The following EPHA6 variants were observed in gnomAD, a reference collection of about 807,000 sequenced individuals.
EPHA6 encodes the protein ephrin type-A receptor 6.
A neutral mutation model predicts 112.0 loss-of-function variants in EPHA6; 50 were observed. The observed-to-expected ratio is 0.45, with a 90% CI of 0.36 to 0.56. The LOEUF is 0.56. Ranked by LOEUF, EPHA6 falls within the 20% of genes least tolerant of loss-of-function variation. EPHA6 has a pLI of 0.00. For missense variants in EPHA6, 1,280 were observed against 1,417.4 expected (o/e 0.90, Z 1.56); for synonymous variants, 529 against 490.7 (o/e 1.08, Z -1.03).
At position 97,645,845 on chromosome 3, in the gene EPHA6, C is replaced by T. The variant is rs369546049; in HGVS notation, c.2784+7763C>T. ...CAGATGATTTTGACTTTTTCTCTTG[C>T]TGTGTAACTATAATTGCTATTTGCT... On this transcript the variant is annotated intron_variant, in intron 14 of 17. Transcript: ENST00000389672. Among the ~76,000 whole-genome samples the T allele has an allele frequency of 1.2e-3, 177 of 152,026 alleles. 1 individual carries two copies. The highest frequency in any genetic ancestry group is 3.9e-3 in the African/African-American group (163 of 41,468).
chr3:97,482,162 T>A (rs1443966219), intron 9 of EPHA6, among the ~76,000 whole-genome samples: 3 of 152,250 alleles, frequency 2.0e-5, no homozygotes, highest in Admixed American at 6.5e-5. Context: ...TATTTACTGA[T>A]CTTATTCTAT....
intron 1 of EPHA6, among the ~76,000 whole-genome samples, chr3:96,825,386 G>T (rs71311304): frequency 1.8e-3 from 276 of 150,866 alleles, no homozygotes; most frequent in Admixed American, 3.1e-3. Context: ...TTTGTTTATT[G>T]ATTATTTTAC....
At chr3:97,529,160 C>T (rs2092666232) in intron 10 of EPHA6, among the ~76,000 whole-genome samples, 1 of 152,060 alleles carries the variant, frequency 6.6e-6, no homozygotes, top group African/African-American at 2.4e-5. Context: ...ATAAACAGCT[C>T]AGACAGCAGA....
intron 5 of EPHA6, among the ~76,000 whole-genome samples, chr3:97,314,968 T>C (rs1337288689): frequency 6.6e-6 from 1 of 151,706 alleles, no homozygotes; most frequent in Non-Finnish European, 1.5e-5. Context: ...CAAAGCATTC[T>C]ACAACGATGA....
At chr3:97,639,413 G>A (rs965418170) in intron 14 of EPHA6, among the ~76,000 whole-genome samples, 1 of 151,532 alleles carries the variant, frequency 6.6e-6, no homozygotes, top group Non-Finnish European at 1.5e-5. Flanking sequence ...ATAGAACAAC[G>A]AATATAAAAT....
intron 2 of EPHA6, among the ~76,000 whole-genome samples, chr3:96,970,471 G>A (rs1213203100): frequency 6.6e-6 from 1 of 152,022 alleles, no homozygotes; most frequent in Non-Finnish European, 1.5e-5. Context: ...GGCTAGGTTA[G>A]GAGATTGCTA....
chr3:97,683,477 C>T (rs972472127), intron 14 of EPHA6, among the ~76,000 whole-genome samples: 4 of 152,068 alleles, frequency 2.6e-5, no homozygotes, highest in African/African-American at 9.7e-5. Flanking sequence ...TCAAATCACC[C>T]TCTGAGGTAT....
intron 6 of EPHA6, among the ~76,000 whole-genome samples, chr3:97,425,948 C>A (rs1169696595): frequency 6.6e-6 from 1 of 152,166 alleles, no homozygotes. Flanking sequence ...TCCTCATCTC[C>A]ATCTGAGACC....
chr3:97,429,618 C>T (rs771696249), intron 6 of EPHA6, among the ~76,000 whole-genome samples: 4 of 150,252 alleles, frequency 2.7e-5, no homozygotes, highest in Non-Finnish European at 5.9e-5. Context: ...ATAGCATATT[C>T]GAAAGTTTAA....
intron 6 of EPHA6, among the ~76,000 whole-genome samples, chr3:97,433,334 C>T (rs914473518): frequency 6.6e-6 from 1 of 152,120 alleles, no homozygotes; most frequent in African/African-American, 2.4e-5. Flanking sequence ...GACTCAAAAT[C>T]TCATGAAATA....
intron 1 of EPHA6, among the ~76,000 whole-genome samples, chr3:96,850,315 A>G (rs1192710765): frequency 6.6e-6 from 1 of 152,096 alleles, no homozygotes; most frequent in Non-Finnish European, 1.5e-5. Context: ...GCTGGACTGC[A>G]CCAGGAGATA....
intron 2 of EPHA6, among the ~76,000 whole-genome samples, chr3:96,870,618 A>G (rs539993835): frequency 6.6e-6 from 1 of 152,252 alleles, no homozygotes; most frequent in South Asian, 2.1e-4. Flanking sequence ...GATACATAAA[A>G]TTAACCATCA....
chr3:97,634,656 T>G (rs1421016437), intron 13 of EPHA6, among the ~76,000 whole-genome samples: 1 of 152,038 alleles, frequency 6.6e-6, no homozygotes, highest in African/African-American at 2.4e-5. Flanking sequence ...CCCAAGGCCA[T>G]GACCCCTTTA....
At chr3:97,004,022 G>A (rs890943164) in intron 3 of EPHA6, among the ~76,000 whole-genome samples, 1 of 151,852 alleles carries the variant, frequency 6.6e-6, no homozygotes, top group African/African-American at 2.4e-5. Context: ...TAGATACCAC[G>A]TTTCTGTTAT....
rs527599685 is a variant in EPHA6, at chr3:97,050,665, G to A, written c.1114+62672G>A. Among the ~76,000 whole-genome samples, 4 of 152,212 alleles carry A rather than the reference G, an allele frequency of 2.6e-5. No individual in the cohort carries two copies. The South Asian group carries it at 6.2e-4, about 24-fold the overall frequency. Reference sequence around the variant, plus strand: ...TGTTATTCTCCAATTCTAAAAATACGTGACTGGGAGACTTCTGTATCTTAT... The same window carrying A: ...TGTTATTCTCCAATTCTAAAAATACATGACTGGGAGACTTCTGTATCTTAT... On this transcript the variant is annotated intron_variant, in intron 3 of 17. Transcript: ENST00000389672.
intron 5 of EPHA6, among the ~76,000 whole-genome samples, chr3:97,332,372 A>G (rs1167925781): frequency 6.6e-6 from 1 of 151,564 alleles, no homozygotes; most frequent in Non-Finnish European, 1.5e-5. Context: ...CTCTCTCACC[A>G]CTCCTATTCA....
intron 5 of EPHA6, among the ~76,000 whole-genome samples, chr3:97,277,612 T>TA (rs2080136560): frequency 6.6e-6 from 1 of 152,214 alleles, no homozygotes; most frequent in Admixed American, 6.5e-5. Context: ...TACAAACCTG[T>TA]ATAGCTTGTT....
chr3:97,646,360 G>A (rs765602672), intron 14 of EPHA6: 2 of 1,253,768 alleles, frequency 1.6e-6, no homozygotes, highest in South Asian at 1.9e-5. Context: ...TAATATATAA[G>A]ACAGTATTGT....
At chr3:97,170,899 G>A (rs2076682285) in intron 3 of EPHA6, among the ~76,000 whole-genome samples, 1 of 152,048 alleles carries the variant, frequency 6.6e-6, no homozygotes, top group African/African-American at 2.4e-5. Context: ...GTTGCATCCT[G>A]GTAAACCTAT....
Sources: allele counts gnomAD v4.1 joint callset (sites outside exome capture counted in the v4.1 genomes callset), GRCh38; gene constraint gnomAD v4.1.1; transcripts MANE v1.5; gene names NCBI Gene and HGNC (gene_info 2026-07-23, HGNC 2026-07-21).